ARHGAP32: variants seen among roughly 807,000 people sequenced by gnomAD.
ARHGAP32 encodes the protein rho GTPase-activating protein 32.
In ARHGAP32, 51 loss-of-function variants were observed where a neutral mutation model predicts 186.5. The observed-to-expected ratio is 0.27, with a 90% CI of 0.22 to 0.35. ARHGAP32 has a LOEUF of 0.35. Ranked by LOEUF, ARHGAP32 falls within the 10% of genes least tolerant of loss-of-function variation. The pLI is 1.00. For synonymous variants in ARHGAP32, 950 were observed against 964.3 expected, an observed-to-expected ratio of 0.99 and a Z score of 0.27; for missense variants, 2,186 against 2,623.5, an observed-to-expected ratio of 0.83 and a Z score of 3.64.
intron 11 of ARHGAP32, among the ~76,000 whole-genome samples, chr11:129,010,413 T>C (rs904578956): frequency 7.9e-5 from 12 of 152,212 alleles, no homozygotes; most frequent in African/African-American, 2.9e-4. Context: ...TTCTAGGGTT[T>C]ATATAGTTTC....
upstream of ARHGAP32, among the ~76,000 whole-genome samples, chr11:129,197,307 G>A (rs939497784): frequency 1.3e-5 from 2 of 152,086 alleles, no homozygotes; most frequent in Admixed American, 1.3e-4. Context: ...ATACATTTGG[G>A]TTCACTATCA....
chr11:129,054,576 G>T (rs1591571596), intron 10 of ARHGAP32, among the ~76,000 whole-genome samples: 1 of 152,124 alleles, frequency 6.6e-6, no homozygotes, highest in Non-Finnish European at 1.5e-5. Flanking sequence ...TGTTGTATTT[G>T]TGTAATGCCT....
At chr11:128,977,237 G>A (rs2136090307) in intron 19 of ARHGAP32, among the ~76,000 whole-genome samples, 1 of 152,250 alleles carries the variant, frequency 6.6e-6, no homozygotes, top group South Asian at 2.1e-4. Context: ...CTTGACTTGT[G>A]GTAATTTGTT....
chr11:129,130,946 G>A (rs1027831519), intron 2 of ARHGAP32, among the ~76,000 whole-genome samples: 1 of 151,932 alleles, frequency 6.6e-6, no homozygotes, highest in Non-Finnish European at 1.5e-5. Context: ...AATACACAAA[G>A]AGCAGAATCA....
intron 1 of ARHGAP32, among the ~76,000 whole-genome samples, chr11:129,180,225 C>T (rs1944025042): frequency 6.6e-6 from 1 of 152,064 alleles, no homozygotes. Flanking sequence ...AGATGAATCT[C>T]ATAAATGTTG....
intron 11 of ARHGAP32, among the ~76,000 whole-genome samples, chr11:129,016,144 CAT>C (rs1938327025): frequency 1.3e-5 from 2 of 152,152 alleles, no homozygotes; most frequent in South Asian, 2.1e-4. Context: ...GCATTGTTTT[CAT>C]ATGTTTCATA....
intron 12 of ARHGAP32, among the ~76,000 whole-genome samples, chr11:128,989,516 TCACACACACACACACACA>T (rs56090706): frequency 3.6e-5 from 5 of 138,926 alleles, no homozygotes; most frequent in Middle Eastern, 3.4e-3. Context: ...GTTTTTTATT[TCACACACACACACACACA>T]CACACACACA....
chr11:129,044,819 C>T (rs1301938417), intron 10 of ARHGAP32, among the ~76,000 whole-genome samples: 1 of 151,784 alleles, frequency 6.6e-6, no homozygotes, highest in East Asian at 1.9e-4. Context: ...TTAGGGATAA[C>T]ACTACCTATA....
chr11:129,207,494 G>A (rs1944528776), intron 1 of ARHGAP32, among the ~76,000 whole-genome samples: 1 of 152,176 alleles, frequency 6.6e-6, no homozygotes, highest in South Asian at 2.1e-4. Context: ...GAACAGTGAT[G>A]ATAAGCTTTT....
At chr11:129,118,209 G>T (rs1942426429) in intron 5 of ARHGAP32, among the ~76,000 whole-genome samples, 1 of 151,916 alleles carries the variant, frequency 6.6e-6, no homozygotes, top group Non-Finnish European at 1.5e-5. Flanking sequence ...CTAAAGCAGA[G>T]ATTAAGTAGT....
chr11:129,193,324 GGGGCGGGA>G (rs1565464194), upstream of ARHGAP32, among the ~76,000 whole-genome samples: 8 of 10,190 alleles, frequency 7.9e-4, no homozygotes, highest in Admixed American at 3.6e-3. Flanking sequence ...GGGGGGGGGG[GGGGCGGGA>G]AACAGCCAAG....
At chr11:129,081,780 G>A (rs1032165395) in intron 6 of ARHGAP32, among the ~76,000 whole-genome samples, 1 of 151,910 alleles carries the variant, frequency 6.6e-6, no homozygotes, top group South Asian at 2.1e-4. Context: ...GAAATAAAGG[G>A]CATTCAGACT....
chr11:129,192,705 T>C (rs1400387535), upstream of ARHGAP32, among the ~76,000 whole-genome samples: 2 of 152,096 alleles, frequency 1.3e-5, no homozygotes, highest in Non-Finnish European at 2.9e-5. Context: ...AAGATAAGTA[T>C]GCTCTAGGGA....
upstream of ARHGAP32, among the ~76,000 whole-genome samples, chr11:129,193,516 G>T (rs1159157946): frequency 2.8e-5 from 2 of 72,684 alleles, no homozygotes; most frequent in African/African-American, 1.0e-4. Flanking sequence ...ATATATGCAG[G>T]TCCCTAGAGC....
At chr11:128,979,777 T>C (rs1040500043) in intron 18 of ARHGAP32, among the ~76,000 whole-genome samples, 4 of 152,202 alleles carry the variant, frequency 2.6e-5, no homozygotes, top group Non-Finnish European at 5.9e-5. Context: ...TCAAAATCCT[T>C]ACATTCATGT....
intron 11 of ARHGAP32, chr11:129,024,038 T>A (rs528018052): frequency 1.0e-6 from 1 of 985,520 alleles, no homozygotes; most frequent in Non-Finnish European, 1.2e-6. Context: ...AGGTCCCACA[T>A]CACTGCCGGG....
chr11:128,994,977 T>G (rs562694089), intron 12 of ARHGAP32, among the ~76,000 whole-genome samples: 411 of 152,290 alleles, frequency 2.7e-3, no homozygotes, highest in African/African-American at 9.4e-3. Context: ...CATTTGAGTT[T>G]AACTTGGCAA....
intron 1 of ARHGAP32, among the ~76,000 whole-genome samples, chr11:129,202,792 CTT>C (rs1349168028): frequency 6.6e-6 from 1 of 152,196 alleles, no homozygotes; most frequent in Non-Finnish European, 1.5e-5. Context: ...CGCCACATCA[CTT>C]TGTCTCATTG....
chr11:128,987,295 T>C (rs1397541754), intron 13 of ARHGAP32, among the ~76,000 whole-genome samples: 1 of 152,200 alleles, frequency 6.6e-6, no homozygotes, highest in Non-Finnish European at 1.5e-5. Context: ...ACTTATCATC[T>C]ACCTAGAGGA....
Sources: allele counts gnomAD v4.1 joint callset (sites outside exome capture counted in the v4.1 genomes callset), GRCh38; gene constraint gnomAD v4.1.1; transcripts MANE v1.5; gene names NCBI Gene and HGNC (gene_info 2026-07-23, HGNC 2026-07-21).